The following SLC38A10 variants were observed in gnomAD, a reference collection of about 807,000 sequenced individuals.
SLC38A10 encodes the protein Sodium-coupled neutral amino acid transporter 10.
Under a neutral mutation model 81.0 loss-of-function variants are expected in SLC38A10, and 53 were observed. That is an observed-to-expected ratio of 0.65 (90% CI 0.53 to 0.82). The LOEUF (loss-of-function observed/expected upper bound fraction) is 0.82, where lower values mean the gene tolerates loss of function less well. Among genes scored for constraint, SLC38A10 ranks in the 40% least tolerant of loss-of-function variants. The probability of loss-of-function intolerance (pLI) is 0.00; values close to 1 mark genes in which losing one functional copy is unlikely to be tolerated. For missense variants in SLC38A10, 1,471 were observed against 1,545.0 expected (o/e 0.95, Z 0.80); for synonymous variants, 665 against 655.3 (o/e 1.01, Z -0.23).
At chr17:81,246,780 T>C in intron 15 of SLC38A10, 105 bp downstream of exon 15, 1 of 1,497,526 alleles carries the variant, frequency 6.7e-7, no homozygotes, top group South Asian at 1.4e-5. Flanking sequence ...AAAACCAGAC[T>C]CACGCTCAGG....
At chr17:81,250,213 T>G in intron 14 of SLC38A10, 4 of 1,025,304 alleles carry the variant, frequency 3.9e-6, no homozygotes, top group Non-Finnish European at 5.2e-6. Flanking sequence ...GCATAGGAAT[T>G]GGAACCAACA....
At position 81,277,746 on chromosome 17, in the gene SLC38A10, C is replaced by T. The variant is rs1386651182; in HGVS notation, c.627-613G>A. Among the ~76,000 whole-genome samples, 3 of 152,212 alleles carry T rather than the reference C, an allele frequency of 2.0e-5. No homozygotes were observed. Among genetic ancestry groups the T allele is most frequent in the African/African-American group, 4.8e-5 (2 of 41,440 alleles). On this transcript the variant is annotated intron_variant, in intron 6 of 15. Transcript: ENST00000374759. This position sits in a 1 kb window ranked among gnomAD's most constrained non-coding sequence, Gnocchi z 4.5. ...CAGGCAAGGACATGACAGCCCTGCACAGGCAGCAGACGCATCCGAGGGACC... is the reference window on the plus strand; with the variant it reads ...CAGGCAAGGACATGACAGCCCTGCATAGGCAGCAGACGCATCCGAGGGACC...
intron 5 of SLC38A10, 73 bp from the exon 6 acceptor site, chr17:81,280,806 C>A: frequency 6.5e-7 from 1 of 1,531,742 alleles, no homozygotes; most frequent in Non-Finnish European, 8.8e-7. Context: ...GGCCCACGCG[C>A]CGCTAGGAAG....
chr17:81,272,947 T>TAAA (rs758583895), intron 8 of SLC38A10, among the ~76,000 whole-genome samples: 5 of 152,032 alleles, frequency 3.3e-5, no homozygotes, highest in Non-Finnish European at 7.4e-5. Context: ...CCACGAGAGT[T>TAAA]TTTTAAGTGC....
chr17:81,282,656 G>A (rs73358148), intron 4 of SLC38A10, among the ~76,000 whole-genome samples: 3,189 of 152,302 alleles, frequency 0.021, 110 homozygotes, highest in African/African-American at 0.072. Context: ...CTGGGCGAGG[G>A]GTGGGAAAGG....
chr17:81,273,588 T>C (rs1210918701), intron 8 of SLC38A10, among the ~76,000 whole-genome samples: 3 of 152,132 alleles, frequency 2.0e-5, no homozygotes, highest in African/African-American at 4.8e-5. Flanking sequence ...GACTTTTACA[T>C]AGGATGGACT....
At position 81,272,857 on chromosome 17, in the gene SLC38A10, A is replaced by G. The variant is rs573881224; in HGVS notation, c.913-230T>C. ...GGCACGAGGGCTTCTCACCCCAGGC[A>G]CAGACCGTACATTTTACAACTTCCT... On this transcript the variant is annotated intron_variant, in intron 8 of 15. Coordinates refer to ENST00000374759, the MANE Select transcript of SLC38A10 (RefSeq NM_001037984.3). Among the ~76,000 whole-genome samples, 15 of 152,354 alleles carry G rather than the reference A, an allele frequency of 9.8e-5. No individual in the cohort carries two copies. In the East Asian group the frequency reaches 2.9e-3, roughly 29 times the overall value.
chr17:81,270,849 C>G lies in SLC38A10; in HGVS notation c.1131+69G>C. On this transcript the variant is annotated intron_variant, in intron 10 of 15. Transcript: ENST00000374759. This position sits in a 1 kb window ranked among gnomAD's most constrained non-coding sequence, Gnocchi z 4.0. Reference sequence around the variant, plus strand: ...GAAAACGCTGAACCAGGGGCTTCCTCCCGCCTCCACCTCTCCCCAGCCCAG... The same window carrying G: ...GAAAACGCTGAACCAGGGGCTTCCTGCCGCCTCCACCTCTCCCCAGCCCAG... The G allele has an allele frequency of 7.3e-7, 1 of 1,364,494 alleles. No homozygotes were observed. The highest frequency in any genetic ancestry group is 1.2e-5 in the South Asian group (1 of 84,948). The allele number at this position is 1,364,494 out of a possible 1,614,324, so 84.5% of individuals were successfully genotyped here. A position where few individuals can be genotyped will look rare whatever the true frequency, so the allele number is the denominator to read the frequency against.
At chr17:81,284,176 G>A (rs1018815399) in intron 3 of SLC38A10, among the ~76,000 whole-genome samples, 8 of 151,922 alleles carry the variant, frequency 5.3e-5, no homozygotes, top group Admixed American at 4.6e-4. Flanking sequence ...TGGCCAACAC[G>A]GCAAAACCCT....
chr17:81,279,975 C>T, intron 6 of SLC38A10: 1 of 339,322 alleles, frequency 2.9e-6, no homozygotes, highest in Non-Finnish European at 5.9e-6. Flanking sequence ...CCCACTAACG[C>T]TACAGGGGCC....
rs1484954335 is a variant in SLC38A10, at chr17:81,253,708, A to T, written c.1289-468T>A. ...CACCAACATCACCATCATCACCATC[A>T]CCATCACCATCATCACCATCTCCAT... On this transcript the variant is annotated intron_variant, in intron 11 of 15. Coordinates refer to ENST00000374759, the MANE Select transcript of SLC38A10 (RefSeq NM_001037984.3). This position sits in a 1 kb window ranked among gnomAD's most constrained non-coding sequence, Gnocchi z 4.1. Among the ~76,000 whole-genome samples the T allele has an allele frequency of 6.7e-6, 1 of 149,342 alleles. No homozygotes were observed. Among genetic ancestry groups the T allele is most frequent in the East Asian group, 2.0e-4 (1 of 4,896 alleles).
rs536300527 is a variant in SLC38A10 at position 81,273,243 on chromosome 17, T to G, written c.913-616A>C. On this transcript the variant is annotated intron_variant, in intron 8 of 15. Coordinates refer to ENST00000374759, the MANE Select transcript of SLC38A10 (RefSeq NM_001037984.3). ...GCACCGGGATGCCAGGGCCATTCAT[T>G]CCGGAGGAGGCGGCAGAGCCAAGGA... Among the ~76,000 whole-genome samples the G allele has an allele frequency of 1.7e-3, 253 of 152,336 alleles. 1 individual carries two copies. The highest frequency in any genetic ancestry group is 5.9e-3 in the African/African-American group (244 of 41,586).
rs138444294 is a variant in SLC38A10, at chr17:81,276,853, T to C, written c.729+178A>G. On this transcript the variant is annotated intron_variant, in intron 7 of 15. Coordinates refer to ENST00000374759, the MANE Select transcript of SLC38A10 (RefSeq NM_001037984.3). The surrounding 1 kb of genome is among the most constrained non-coding windows in gnomAD (Gnocchi z 4.7). ...GCTCACAGGGCTGGTCCTGGAATGA[T>C]GGAAGCTGATGGAGCTGCCCCAGGT... is the stretch of plus-strand genomic sequence containing the variant. Among the ~76,000 whole-genome samples, 1 of 152,220 alleles carries C rather than the reference T, an allele frequency of 6.6e-6. No homozygotes were observed. Among genetic ancestry groups the C allele is most frequent in the African/African-American group, 2.4e-5 (1 of 41,528 alleles).
rs1598381117 is a variant in SLC38A10, at chr17:81,252,645, G to T, written c.1495C>A (p.Pro499Thr). The T allele has an allele frequency of 6.2e-7, 1 of 1,610,560 alleles. No homozygotes were observed. Reference sequence around the variant, plus strand: ...ACCACCTTGTCGTGAGGAACAGGAGGCTCGTGGCGGTGGGCCTCGCCCACA... The same window carrying T: ...ACCACCTTGTCGTGAGGAACAGGAGTCTCGTGGCGGTGGGCCTCGCCCACA... ...VPVGEAHRHE[P>T]PVPHDKVVVD... is the part of the protein sequence containing the mutation. Residue 499 changes from proline (P) to threonine (T), a missense_variant, in exon 13 of 16, where the codon CCT becomes ACT. Physicochemically the swap from Pro to Thr is conservative, Grantham distance 38. Transcript: ENST00000374759.
chr17:81,252,625 C>T lies in SLC38A10; in HGVS notation c.1515G>A (p.Lys505=). The part of the protein sequence containing the change: ...HRHEPPVPHD[K]VVVDEGQDRE... Reference sequence around the variant, plus strand: ...GGTCTTGGCCTTCATCTACCACCACCTTGTCGTGAGGAACAGGAGGCTCGT... The same window carrying T: ...GGTCTTGGCCTTCATCTACCACCACTTTGTCGTGAGGAACAGGAGGCTCGT... The change falls in exon 13 of 16, where the codon AAG becomes AAA. Residue 505 remains lysine, a synonymous_variant. Coordinates refer to ENST00000374759, the MANE Select transcript of SLC38A10 (RefSeq NM_001037984.3). 1 of 1,612,606 alleles carries T rather than the reference C, an allele frequency of 6.2e-7. No individual in the cohort carries two copies.
intron 5 of SLC38A10, 146 bp from the exon 6 acceptor site, chr17:81,280,879 C>CTGTGCCGCCT (rs78281304): frequency 2.4e-6 from 3 of 1,231,348 alleles, no homozygotes; most frequent in African/African-American, 3.1e-5. Flanking sequence ...CTGTGCCGCC[C>CTGTGCCGCCT]TGTGCCGCCT....
At position 81,270,331 on chromosome 17, in the gene SLC38A10, A is replaced by G. The variant is rs1183026633; in HGVS notation, c.1131+587T>C. Among the ~76,000 whole-genome samples, 1 of 152,246 alleles carries G rather than the reference A, an allele frequency of 6.6e-6. No individual in the cohort carries two copies. Among genetic ancestry groups the G allele is most frequent in the African/African-American group, 2.4e-5 (1 of 41,468 alleles). ...GATATTCATCGCGATTCTGTCTGCA[A>G]TAGCAAGACTGGAGAGGTGAGTCCT... On this transcript the variant is annotated intron_variant, in intron 10 of 15. Coordinates refer to ENST00000374759, the MANE Select transcript of SLC38A10 (RefSeq NM_001037984.3). The surrounding 1 kb of genome is among the most constrained non-coding windows in gnomAD (Gnocchi z 4.0).
In SLC38A10 at chr17:81,259,815, A is replaced by C. The variant is rs539529922; in HGVS notation, c.1288+423T>G. ...CTAACTCCACCCACGGTCCTGGTGA[A>C]CAAATAATAAATAACCTGAAGCAGC... On this transcript the variant is annotated intron_variant, in intron 11 of 15. Coordinates refer to ENST00000374759, the MANE Select transcript of SLC38A10 (RefSeq NM_001037984.3). 3.5e-4 allele frequency among the ~76,000 whole-genome samples: 54 copies of C among 152,324 alleles called. 3 individuals carry two copies. In the South Asian group the frequency reaches 0.011, roughly 31 times the overall value.
At position 81,282,213 on chromosome 17, in the gene SLC38A10, G is replaced by A; in HGVS notation, c.477C>T (p.Leu159=). 6.2e-7 allele frequency: 1 copy of A among 1,613,762 alleles called. No individual in the cohort carries two copies. Among genetic ancestry groups the A allele is most frequent in the Non-Finnish European group, 8.5e-7 (1 of 1,180,016 alleles). ...SIQSFSAMAL[L]FYTVFMFVIV... Reference sequence around the variant, plus strand: ...CCACGAACATGAACACGGTGTAGAAGAGGAGGGCCATGGCGCTGAAGGACT... The same window carrying A: ...CCACGAACATGAACACGGTGTAGAAAAGGAGGGCCATGGCGCTGAAGGACT... Residue 159 remains leucine (L), a synonymous_variant, in exon 5 of 16, where the codon CTC becomes CTT. Coordinates refer to ENST00000374759, the MANE Select transcript of SLC38A10 (RefSeq NM_001037984.3).
Sources: gnomAD v4.1 joint callset for allele counts (sites outside exome capture counted in the v4.1 genomes callset) on GRCh38, gnomAD v4.1.1 for gene constraint, Gnocchi (gnomAD v3.1) non-coding constraint, MANE v1.5 for transcripts, NCBI Gene and HGNC (gene_info 2026-07-23, HGNC 2026-07-21) for gene names.